The following HSD17B7 variants were observed in gnomAD, a reference collection of about 807,000 sequenced individuals.
HSD17B7 encodes 3-keto-steroid reductase/17-beta-hydroxysteroid dehydrogenase 7.
In HSD17B7, 17 loss-of-function variants were observed where a neutral mutation model predicts 34.1. The observed-to-expected ratio is 0.50, with a 90% confidence interval of 0.34 to 0.75. HSD17B7 has a LOEUF of 0.75. Ranked by LOEUF, HSD17B7 falls within the 30% of genes least tolerant of loss-of-function variation. The probability of loss-of-function intolerance (pLI) is 0.01; values close to 1 mark genes in which losing one functional copy is unlikely to be tolerated. For synonymous variants in HSD17B7, 122 were observed against 154.6 expected (o/e 0.79, Z 1.56); for missense variants, 296 against 406.6 (o/e 0.73, Z 2.34).
intron 2 of HSD17B7, among the ~76,000 whole-genome samples, chr1:162,796,089 A>G (rs1015593865): frequency 2.0e-5 from 3 of 152,158 alleles, no homozygotes; most frequent in African/African-American, 7.2e-5. Flanking sequence ...GTTTTATTAT[A>G]TATTTTGGCA....
chr1:162,795,752 G>T, intron 2 of HSD17B7: 1 of 432,314 alleles, frequency 2.3e-6, no homozygotes, highest in South Asian at 1.6e-5. Context: ...AACTCTAGGA[G>T]ATATTCTGAA....
At position 162,812,406 on chromosome 1, in the gene HSD17B7, G is replaced by A. The variant is rs1344317510; in HGVS notation, c.1012G>A (p.Gly338Ser). The A allele has an allele frequency of 2.0e-5, 32 of 1,589,646 alleles. No individual in the cohort carries two copies. The highest frequency in any genetic ancestry group is 2.7e-5 in the Non-Finnish European group (32 of 1,166,444). ...AACAGATAATCAGGCCAGGCTCAGT[G>A]GCTCATGCCTATAATTCCAGCACTT... ...QKTDNQARLS[G>S]SCL Residue 338 changes from glycine to serine, a missense_variant, in exon 9 of 9, where the codon GGC (glycine) becomes AGC (serine). Physicochemically the swap from Gly to Ser is moderately conservative, Grantham distance 56. Coordinates refer to ENST00000254521, the MANE Select transcript of HSD17B7 (RefSeq NM_016371.4).
intron 8 of HSD17B7, among the ~76,000 whole-genome samples, chr1:162,807,234 T>A (rs886719043): frequency 1.3e-5 from 2 of 152,228 alleles, no homozygotes; most frequent in African/African-American, 4.8e-5. Flanking sequence ...TTTGGTTTTT[T>A]GTCCTTGTGA....
chr1:162,806,775 T>G (rs1251363644), intron 8 of HSD17B7, among the ~76,000 whole-genome samples: 3 of 152,214 alleles, frequency 2.0e-5, no homozygotes, highest in African/African-American at 7.2e-5. Flanking sequence ...AATGTTTAGT[T>G]CTACAAACTG....
Position 162,803,047 on chromosome 1 carries a change from C to A in HSD17B7, c.643-384C>A, listed in dbSNP as rs553759417. ...ACTTCTTGAAGGCAAGGACTGTACT[C>A]CATACATCTTTTAATCTTAAATGCT... On this transcript the variant is annotated intron_variant, in intron 5 of 8. Transcript: ENST00000254521. The A allele has an allele frequency of 5.3e-3, 913 of 172,270 alleles. 9 individuals carry two copies. Among genetic ancestry groups the A allele is most frequent in the African/African-American group, 0.02 (842 of 42,052 alleles). The allele number at this position is 172,270 out of a possible 1,614,324, so 10.7% of individuals were successfully genotyped here.
At chr1:162,809,915 A>AT (rs1224760465) in intron 8 of HSD17B7, among the ~76,000 whole-genome samples, 2 of 151,822 alleles carry the variant, frequency 1.3e-5, no homozygotes, top group Admixed American at 6.6e-5. Context: ...GGATTCATTG[A>AT]TTTTTTGAAG....
intron 1 of HSD17B7, among the ~76,000 whole-genome samples, chr1:162,791,229 G>A (rs976632329): frequency 6.6e-6 from 1 of 152,038 alleles, no homozygotes; most frequent in Non-Finnish European, 1.5e-5. Context: ...GTCTGTACAA[G>A]CCTTTTGCCT....
chr1:162,801,532 G>A (rs1648814065), intron 5 of HSD17B7, among the ~76,000 whole-genome samples: 1 of 152,206 alleles, frequency 6.6e-6, no homozygotes, highest in African/African-American at 2.4e-5. Flanking sequence ...ATATGTACAT[G>A]TGGATATACA....
rs550302562 is a variant in HSD17B7 at position 162,806,644 on chromosome 1, T to C, written c.903+1152T>C. Among the ~76,000 whole-genome samples the C allele has an allele frequency of 2.5e-3, 384 of 152,358 alleles. 2 individuals are homozygous for C. Among genetic ancestry groups the C allele is most frequent in the Non-Finnish European group, 4.1e-3 (281 of 68,034 alleles). ...AATATTTTTTAAAGCAAATTTTACA[T>C]AACCTGTAACATCCCTTTGGGGAAT... On this transcript the variant is annotated intron_variant, in intron 8 of 8. Coordinates refer to ENST00000254521, the MANE Select transcript of HSD17B7 (RefSeq NM_016371.4).
intron 8 of HSD17B7, among the ~76,000 whole-genome samples, chr1:162,807,095 G>A (rs1393587484): frequency 2.6e-5 from 4 of 152,048 alleles, no homozygotes; most frequent in Non-Finnish European, 5.9e-5. Context: ...TTTACATTAG[G>A]TATATCTCCT....
At chr1:162,798,054 CT>C (rs1461382452) in intron 4 of HSD17B7, 138 bp downstream of exon 4, 1 of 1,378,082 alleles carries the variant, frequency 7.3e-7, no homozygotes, top group Non-Finnish European at 9.5e-7. Context: ...TTGCATTTGC[CT>C]TGTTTATTGT....
chr1:162,803,768 C>T (rs1286176247), intron 6 of HSD17B7, among the ~76,000 whole-genome samples: 1 of 152,168 alleles, frequency 6.6e-6, no homozygotes, highest in Non-Finnish European at 1.5e-5. Flanking sequence ...GCTCATGCAC[C>T]ACAGATCCCA....
intron 8 of HSD17B7, among the ~76,000 whole-genome samples, chr1:162,807,481 A>G (rs1350650667): frequency 6.6e-6 from 1 of 152,220 alleles, no homozygotes; most frequent in Non-Finnish European, 1.5e-5. Flanking sequence ...TCCTTTGGGT[A>G]TATACCCAGG....
Position 162,790,733 on chromosome 1 carries a change from G to A in HSD17B7, c.-68G>A. The A allele has an allele frequency of 9.4e-7, 1 of 1,061,282 alleles. No homozygotes were observed. Among genetic ancestry groups the A allele is most frequent in the Non-Finnish European group, 1.4e-6 (1 of 696,440 alleles). 65.7% of individuals were successfully genotyped at this position (1,061,282 alleles called of 1,614,324 possible). A position where few individuals can be genotyped will look rare whatever the true frequency, so the allele number is the denominator to read the frequency against. ...TGATTGGTGACGGGTGAGGCGGCCC[G>A]AAATCGTAGGACTTCCGAAAGCAGC... On this transcript the variant is annotated 5_prime_UTR_variant, in exon 1 of 9. Coordinates refer to ENST00000254521, the MANE Select transcript of HSD17B7 (RefSeq NM_016371.4).
intron 2 of HSD17B7, among the ~76,000 whole-genome samples, chr1:162,793,433 C>T (rs1446138846): frequency 2.0e-5 from 3 of 151,758 alleles, no homozygotes; most frequent in Non-Finnish European, 4.4e-5. Flanking sequence ...GGATTACAGG[C>T]GTGAGCCATT....
intron 5 of HSD17B7, 26 bp from the exon 6 acceptor site, chr1:162,803,405 T>C (rs1648878643): frequency 6.2e-7 from 1 of 1,607,808 alleles, no homozygotes; most frequent in East Asian, 2.2e-5. Flanking sequence ...AGTTAAAGTC[T>C]CATTGCTACA....
Position 162,798,190 on chromosome 1 carries a change from T to A in HSD17B7, c.447+274T>A, listed in dbSNP as rs1386686144. 4.0e-5 allele frequency: 19 copies of A among 474,376 alleles called. No homozygotes were observed. The Admixed American group carries it at 5.5e-4, about 14-fold the overall frequency. The allele number at this position is 474,376 out of a possible 1,614,324, so 29.4% of individuals were successfully genotyped here. On this transcript the variant is annotated intron_variant, in intron 4 of 8. Transcript: ENST00000254521. ...ACTTTCTGTATGCCCTACACCCAGT[T>A]TCCCCATTATTAACATTTCGCATTG...
At chr1:162,791,144 A>G (rs913453402) in intron 1 of HSD17B7, among the ~76,000 whole-genome samples, 5 of 152,056 alleles carry the variant, frequency 3.3e-5, no homozygotes, top group Admixed American at 1.3e-4. Context: ...ATCTTTGCCT[A>G]CTGTTCGTAT....
intron 2 of HSD17B7, among the ~76,000 whole-genome samples, chr1:162,793,735 C>A (rs1461533793): frequency 6.6e-6 from 1 of 152,182 alleles, no homozygotes; most frequent in African/African-American, 2.4e-5. Flanking sequence ...ATAATGAATT[C>A]ATTAAGTAGA....
Sources: allele counts gnomAD v4.1 joint callset (sites outside exome capture counted in the v4.1 genomes callset), GRCh38; gene constraint gnomAD v4.1.1; transcripts MANE v1.5; gene names NCBI Gene and HGNC (gene_info 2026-07-23, HGNC 2026-07-21).